Variants in ERGIC1 observed in about 807,000 individuals in gnomAD.
The protein encoded by ERGIC1 is endoplasmic reticulum-Golgi intermediate compartment protein 1.
ERGIC1 carries 19 observed loss-of-function variants against 38.3 expected under a neutral mutation model. The observed-to-expected ratio is 0.50, with a 90% CI of 0.35 to 0.73. The LOEUF is 0.73. ERGIC1 is among the 30% of genes least tolerant of loss of function. ERGIC1 has a pLI of 0.01. For synonymous variants in ERGIC1, 124 were observed against 157.6 expected, an observed-to-expected ratio of 0.79 and a Z score of 1.60; for missense variants, 294 against 389.2, an observed-to-expected ratio of 0.76 and a Z score of 2.06.
At chr5:172,857,055 G>A (rs1250686187) in intron 1 of ERGIC1, among the ~76,000 whole-genome samples, 1 of 152,194 alleles carries the variant, frequency 6.6e-6, no homozygotes, top group African/African-American at 2.4e-5. Context: ...ACAGTGTTGG[G>A]GCCCCAAGGC....
intron 1 of ERGIC1, among the ~76,000 whole-genome samples, chr5:172,854,217 CAAA>C (rs748064393): frequency 8.1e-6 from 1 of 122,762 alleles, no homozygotes; most frequent in Non-Finnish European, 1.7e-5. Context: ...TCCATCTCTA[CAAA>C]AAAAAAAAAA....
intron 1 of ERGIC1, among the ~76,000 whole-genome samples, chr5:172,850,080 G>A (rs1398269940): frequency 6.6e-6 from 1 of 152,164 alleles, no homozygotes; most frequent in Non-Finnish European, 1.5e-5. Context: ...CACGGAAGCT[G>A]GAAGGGTCCC....
chr5:172,873,946 A>G (rs1454627897), intron 1 of ERGIC1, among the ~76,000 whole-genome samples: 1 of 152,234 alleles, frequency 6.6e-6, no homozygotes, highest in Non-Finnish European at 1.5e-5. Context: ...AGATATAAAC[A>G]CATGCCTTAC....
chr5:172,943,681 G>T (rs1764058824), intron 9 of ERGIC1, among the ~76,000 whole-genome samples: 1 of 152,162 alleles, frequency 6.6e-6, no homozygotes, highest in African/African-American at 2.4e-5. Flanking sequence ...GGCTTTCCCA[G>T]CCAGGGCCAC....
At chr5:172,836,300 C>T (rs1761034800) in intron 1 of ERGIC1, among the ~76,000 whole-genome samples, 1 of 152,092 alleles carries the variant, frequency 6.6e-6, no homozygotes. Flanking sequence ...TAGCCTTTGG[C>T]CTTGGAAGGG....
In ERGIC1 at chr5:172,846,262, C is replaced by T. The variant is rs765889201; in HGVS notation, c.20+11829C>T. 3.3e-5 allele frequency among the ~76,000 whole-genome samples: 5 copies of T among 152,322 alleles called. No homozygotes were observed. Among genetic ancestry groups the T allele is most frequent in the Non-Finnish European group, 7.4e-5 (5 of 68,026 alleles). ...TCCTGGAGGGAAGTGGACTGACTCCCAGCATCTAGAATCCCTTGTGTGATG... is the reference window on the plus strand; with the variant it reads ...TCCTGGAGGGAAGTGGACTGACTCCTAGCATCTAGAATCCCTTGTGTGATG... On this transcript the variant is annotated intron_variant, in intron 1 of 9. Coordinates refer to ENST00000393784, the MANE Select transcript of ERGIC1 (RefSeq NM_001031711.3). This position sits in a 1 kb window ranked among gnomAD's most constrained non-coding sequence, Gnocchi z 4.0.
intron 1 of ERGIC1, among the ~76,000 whole-genome samples, chr5:172,850,347 C>A (rs2113029971): frequency 6.6e-6 from 1 of 150,694 alleles, no homozygotes; most frequent in Admixed American, 6.6e-5. Context: ...AGTGGAGCCA[C>A]ACAGGCACGT....
At chr5:172,909,604 C>G in intron 3 of ERGIC1, 63 bp from the exon 4 acceptor site, 8 of 1,466,552 alleles carry the variant, frequency 5.5e-6, no homozygotes, top group Non-Finnish European at 7.6e-6. Flanking sequence ...CCCCGGCTGT[C>G]CCCCGCAGCT....
intron 1 of ERGIC1, among the ~76,000 whole-genome samples, chr5:172,865,051 C>CTTTTTT (rs55657045): frequency 4.3e-5 from 4 of 93,852 alleles, no homozygotes; most frequent in Non-Finnish European, 6.5e-5. Flanking sequence ...GAAAGAAATT[C>CTTTTTT]TTTTTTTTTT....
At chr5:172,892,060 A>ATTTTTTGTTTTGTTTTGTTT (rs372105420) in intron 2 of ERGIC1, among the ~76,000 whole-genome samples, 2 of 125,530 alleles carry the variant, frequency 1.6e-5, no homozygotes, top group African/African-American at 6.3e-5. Flanking sequence ...GTTAAAGAGT[A>ATTTTTTGTTTTGTTTTGTTT]TGTTTTTTTT....
chr5:172,871,246 A>C (rs1440952711), intron 1 of ERGIC1, among the ~76,000 whole-genome samples: 1 of 152,158 alleles, frequency 6.6e-6, no homozygotes, highest in Non-Finnish European at 1.5e-5. Flanking sequence ...CAATTGCCCG[A>C]GACCTCTGAC....
At chr5:172,868,857 C>G (rs1761936625) in intron 1 of ERGIC1, among the ~76,000 whole-genome samples, 1 of 152,128 alleles carries the variant, frequency 6.6e-6, no homozygotes, top group South Asian at 2.1e-4. Context: ...CCTAAAACTG[C>G]TCTAAAAATA....
chr5:172,896,953 G>C, intron 2 of ERGIC1, 49 bp from the exon 3 acceptor site: 1 of 1,579,088 alleles, frequency 6.3e-7, no homozygotes. Context: ...GTCTCCCTTC[G>C]TCAGTGCCCA....
At chr5:172,909,133 C>T (rs1763138726) in intron 3 of ERGIC1, among the ~76,000 whole-genome samples, 1 of 148,210 alleles carries the variant, frequency 6.7e-6, no homozygotes, top group Admixed American at 6.7e-5. Context: ...TATCTGACCC[C>T]ACCCCTTCTC....
At chr5:172,920,640 G>T (rs1357219663) in intron 5 of ERGIC1, 2 of 575,764 alleles carry the variant, frequency 3.5e-6, no homozygotes, top group South Asian at 2.0e-5. Flanking sequence ...TGGATTTGGT[G>T]TGGAGGGGGA....
chr5:172,950,151 T>C (rs1764202594), intron 9 of ERGIC1, among the ~76,000 whole-genome samples: 1 of 152,254 alleles, frequency 6.6e-6, no homozygotes, highest in Non-Finnish European at 1.5e-5. Context: ...GCCTTGGCTA[T>C]AATTTTGCAT....
chr5:172,855,403 C>T (rs574984413), intron 1 of ERGIC1, among the ~76,000 whole-genome samples: 25 of 152,276 alleles, frequency 1.6e-4, no homozygotes, highest in Non-Finnish European at 2.6e-4. Context: ...CCCATTTGCT[C>T]ACTCAGTCAT....
In ERGIC1 at chr5:172,951,192, C is replaced by T; in HGVS notation, c.*376C>T. 6.1e-6 allele frequency: 1 copy of T among 164,956 alleles called. No individual in the cohort carries two copies. Among genetic ancestry groups the T allele is most frequent in the Non-Finnish European group, 1.3e-5 (1 of 76,448 alleles). 10.2% of individuals were successfully genotyped at this position (164,956 alleles called of 1,614,324 possible). ...AGCCAGGCTTCGACAATCTCGCAGC[C>T]CCCACTAGGTGGACACATTAATGAT... On this transcript the variant is annotated 3_prime_UTR_variant, in exon 10 of 10. Transcript: ENST00000393784.
intron 1 of ERGIC1, among the ~76,000 whole-genome samples, chr5:172,863,112 G>A (rs1013791917): frequency 3.3e-5 from 5 of 152,154 alleles, no homozygotes; most frequent in African/African-American, 1.2e-4. Flanking sequence ...CATCACACCT[G>A]GCTAATTTTT....
Sources: allele counts gnomAD v4.1 joint callset (sites outside exome capture counted in the v4.1 genomes callset), GRCh38; gene constraint gnomAD v4.1.1; non-coding constraint Gnocchi (gnomAD v3.1); transcripts MANE v1.5; gene names NCBI Gene and HGNC (gene_info 2026-07-23, HGNC 2026-07-21).